Variants in NKAIN2 observed in about 807,000 individuals in gnomAD.
NKAIN2 encodes sodium/potassium-transporting ATPase subunit beta-1-interacting protein 2.
A neutral mutation model predicts 32.6 loss-of-function variants in NKAIN2; 14 were observed. The observed-to-expected ratio is 0.43, with a 90% confidence interval of 0.28 to 0.67. The LOEUF (loss-of-function observed/expected upper bound fraction) is 0.67. Ranked by LOEUF, NKAIN2 falls within the 30% of genes least tolerant of loss-of-function variation. The pLI is 0.17. For synonymous variants in NKAIN2, 80 were observed against 87.2 expected, an observed-to-expected ratio of 0.92 and a Z score of 0.46; for missense variants, 198 against 258.3, an observed-to-expected ratio of 0.77 and a Z score of 1.60.
intron 1 of NKAIN2, among the ~76,000 whole-genome samples, chr6:124,258,864 G>C (rs1232501778): frequency 1.3e-5 from 2 of 152,136 alleles, no homozygotes; most frequent in Non-Finnish European, 2.9e-5. Context: ...CTTCCCTATA[G>C]TCTTGTCATG....
chr6:124,365,995 GA>G (rs1238185238), intron 3 of NKAIN2, among the ~76,000 whole-genome samples: 1 of 151,656 alleles, frequency 6.6e-6, no homozygotes, highest in African/African-American at 2.4e-5. Context: ...ATGCTTAGAG[GA>G]AAAAATGACC....
intron 4 of NKAIN2, among the ~76,000 whole-genome samples, chr6:124,687,743 T>TATACACACACACACAC (rs1554251784): frequency 9.6e-6 from 1 of 104,374 alleles, no homozygotes; most frequent in Non-Finnish European, 1.8e-5. Flanking sequence ...ATATGATATA[T>TATACACACACACACAC]ACACACACAC....
intron 3 of NKAIN2, among the ~76,000 whole-genome samples, chr6:124,602,519 A>G (rs1430300258): frequency 6.6e-6 from 1 of 151,996 alleles, no homozygotes; most frequent in Non-Finnish European, 1.5e-5. Context: ...AGTGTCGTGC[A>G]TCAGAAATAA....
intron 1 of NKAIN2, among the ~76,000 whole-genome samples, chr6:124,277,576 A>G (rs1240383449): frequency 1.3e-5 from 2 of 152,040 alleles, no homozygotes; most frequent in East Asian, 1.9e-4. Flanking sequence ...GATTCCTGGA[A>G]TTGTATTAAC....
At chr6:124,430,846 A>T (rs1775187962) in intron 3 of NKAIN2, among the ~76,000 whole-genome samples, 1 of 152,162 alleles carries the variant, frequency 6.6e-6, no homozygotes, top group African/African-American at 2.4e-5. Flanking sequence ...ACATTTTCTA[A>T]CACAGAGCAA....
intron 3 of NKAIN2, among the ~76,000 whole-genome samples, chr6:124,472,816 A>G (rs1339946433): frequency 6.6e-6 from 1 of 152,064 alleles, no homozygotes; most frequent in Non-Finnish European, 1.5e-5. Context: ...TAGTAGATGT[A>G]CATAATTCTA....
chr6:123,973,414 C>T (rs542891054), intron 1 of NKAIN2, among the ~76,000 whole-genome samples: 16 of 152,040 alleles, frequency 1.1e-4, no homozygotes, highest in Non-Finnish European at 1.8e-4. Context: ...AGCTCAAAGG[C>T]GAGGTGGAAA....
At chr6:124,410,286 AG>A (rs1488420194) in intron 3 of NKAIN2, among the ~76,000 whole-genome samples, 15 of 152,150 alleles carry the variant, frequency 9.9e-5, no homozygotes, top group African/African-American at 3.4e-4. Context: ...TTGTGATGTT[AG>A]GGTGTCAATT....
In NKAIN2 at chr6:123,911,805, A is replaced by ATATATATATATGTG. The variant is rs1271100335; in HGVS notation, c.54+107559_54+107560insTATGTGTATATATA. ...TACATATATATATATATATATGTAT[A>ATATATATATATGTG]TATATATACACACACACACACACAC... On this transcript the variant is annotated intron_variant, in intron 1 of 6. Coordinates refer to ENST00000368417, the MANE Select transcript of NKAIN2 (RefSeq NM_001040214.3). Among the ~76,000 whole-genome samples the ATATATATATATGTG allele has an allele frequency of 1.3e-3, 133 of 102,688 alleles. 2 individuals are homozygous for ATATATATATATGTG. The highest frequency in any genetic ancestry group is 1.8e-3 in the Non-Finnish European group (97 of 53,874). The allele number at this position is 102,688 out of a possible 152,430, so 67.4% of individuals were successfully genotyped here.
At position 124,558,884 on chromosome 6, in the gene NKAIN2, G is replaced by T. The variant is rs113065810; in HGVS notation, c.274-99302G>T. ...GAATTGCTTGAACTGGGGAGGTGGA[G>T]GTTGCAGTGAGCCAAGATCATACCA... is the stretch of plus-strand genomic sequence containing the variant. On this transcript the variant is annotated intron_variant, in intron 3 of 6. Coordinates refer to ENST00000368417, the MANE Select transcript of NKAIN2 (RefSeq NM_001040214.3). Among the ~76,000 whole-genome samples the T allele has an allele frequency of 7.5e-3, 1,136 of 152,252 alleles. 13 individuals are homozygous for T. Among genetic ancestry groups the T allele is most frequent in the African/African-American group, 0.026 (1,089 of 41,538 alleles).
chr6:124,025,242 T>A (rs543526028), intron 1 of NKAIN2, among the ~76,000 whole-genome samples: 1 of 152,114 alleles, frequency 6.6e-6, no homozygotes, highest in African/African-American at 2.4e-5. Flanking sequence ...AAGTTAAGGC[T>A]TTGAGGTAGC....
At chr6:124,812,733 CT>C (rs55927751) in intron 5 of NKAIN2, among the ~76,000 whole-genome samples, 11,398 of 149,722 alleles carry the variant, frequency 0.076, 501 homozygotes, top group Middle Eastern at 0.15. Context: ...CCCTTTTGAC[CT>C]TTTTTTTTTC....
chr6:124,209,538 T>C, intron 1 of NKAIN2, among the ~76,000 whole-genome samples: 1 of 151,874 alleles, frequency 6.6e-6, no homozygotes, highest in East Asian at 1.9e-4. Context: ...GTGTTCTCCA[T>C]AGTGACTATA....
At chr6:124,229,690 A>G (rs1190539139) in intron 1 of NKAIN2, among the ~76,000 whole-genome samples, 2 of 152,070 alleles carry the variant, frequency 1.3e-5, no homozygotes, top group Non-Finnish European at 2.9e-5. Context: ...TGCTCTTCTC[A>G]TGATAGTGAG....
At chr6:124,461,573 C>T (rs1256051431) in intron 3 of NKAIN2, among the ~76,000 whole-genome samples, 1 of 151,672 alleles carries the variant, frequency 6.6e-6, no homozygotes. Context: ...TAAATTTTGG[C>T]TTTTTGTACC....
At chr6:124,582,894 G>GA (rs1448636607) in intron 3 of NKAIN2, among the ~76,000 whole-genome samples, 5 of 152,022 alleles carry the variant, frequency 3.3e-5, no homozygotes, top group African/African-American at 9.7e-5. Flanking sequence ...AATTGATGCT[G>GA]AAAAAGCACT....
chr6:123,990,136 A>T (rs979710700), intron 1 of NKAIN2, among the ~76,000 whole-genome samples: 7 of 152,158 alleles, frequency 4.6e-5, no homozygotes, highest in Non-Finnish European at 1.0e-4. Context: ...GGATCTTGTG[A>T]GACTCACTCA....
intron 1 of NKAIN2, among the ~76,000 whole-genome samples, chr6:124,278,349 A>G (rs1795133538): frequency 6.6e-6 from 1 of 152,040 alleles, no homozygotes. Flanking sequence ...ATTGAGGAGT[A>G]TGGAGTAAAA....
intron 3 of NKAIN2, among the ~76,000 whole-genome samples, chr6:124,648,797 A>C (rs1188317241): frequency 6.6e-6 from 1 of 152,200 alleles, no homozygotes; most frequent in Non-Finnish European, 1.5e-5. Flanking sequence ...GAGATGATGA[A>C]AATCTACCCA....
Sources: allele counts gnomAD v4.1 joint callset (sites outside exome capture counted in the v4.1 genomes callset), GRCh38; gene constraint gnomAD v4.1.1; transcripts MANE v1.5; gene names NCBI Gene and HGNC (gene_info 2026-07-23, HGNC 2026-07-21).